The following ARHGAP26 variants were observed in gnomAD, a reference collection of about 807,000 sequenced individuals.
ARHGAP26 encodes the protein rho GTPase-activating protein 26.
In ARHGAP26, 38 loss-of-function variants were observed where a neutral mutation model predicts 104.8. The ratio of observed to expected loss-of-function variants is 0.36; its 90% CI spans 0.28 to 0.48. The LOEUF (loss-of-function observed/expected upper bound fraction) is 0.48. ARHGAP26 is among the 20% of genes least tolerant of loss of function. ARHGAP26 has a pLI of 0.99. For missense variants in ARHGAP26, 704 were observed against 947.9 expected (o/e 0.74, Z 3.38); for synonymous variants, 341 against 340.0 (o/e 1.00, Z -0.03).
chr5:143,038,684 CTTTTTTTTTTTTTTTTTTT>C (rs60428049), intron 13 of ARHGAP26, among the ~76,000 whole-genome samples: 1 of 64,384 alleles, frequency 1.6e-5, no homozygotes, highest in African/African-American at 6.6e-5. Context: ...GACATACGGC[CTTTTTTTTTTTTTTTTTTT>C]TTTTTTTTTT....
intron 11 of ARHGAP26, among the ~76,000 whole-genome samples, chr5:142,963,993 A>G (rs1770840143): frequency 6.6e-6 from 1 of 152,226 alleles, no homozygotes; most frequent in Non-Finnish European, 1.5e-5. Context: ...TTTTAAATGG[A>G]CATAAGGATC....
chr5:143,058,321 G>A (rs923048595), intron 17 of ARHGAP26, among the ~76,000 whole-genome samples: 3 of 152,166 alleles, frequency 2.0e-5, no homozygotes, highest in African/African-American at 4.8e-5. Flanking sequence ...CTTTGAAGAA[G>A]TATAAAGAAT....
intron 1 of ARHGAP26, among the ~76,000 whole-genome samples, chr5:142,857,402 C>T (rs534235760): frequency 1.6e-4 from 24 of 152,082 alleles, no homozygotes; most frequent in Non-Finnish European, 2.9e-4. Context: ...GAGGGTGGGC[C>T]AGCAGCTGCT....
chr5:142,972,105 C>G (rs938581529), intron 11 of ARHGAP26, among the ~76,000 whole-genome samples: 2 of 152,010 alleles, frequency 1.3e-5, no homozygotes, highest in Admixed American at 1.3e-4. Context: ...TTGCTTGAAC[C>G]TGCGAGGCGG....
chr5:143,050,086 C>T (rs1313547097), intron 14 of ARHGAP26, among the ~76,000 whole-genome samples: 1 of 152,188 alleles, frequency 6.6e-6, no homozygotes, highest in Non-Finnish European at 1.5e-5. Flanking sequence ...CCCCACACCC[C>T]TGGGTGGCTT....
chr5:142,858,844 G>A (rs1188198748), intron 1 of ARHGAP26, among the ~76,000 whole-genome samples: 1 of 152,210 alleles, frequency 6.6e-6, no homozygotes, highest in Non-Finnish European at 1.5e-5. Flanking sequence ...CCCTGAGGAA[G>A]TGACCCTTCA....
At chr5:142,989,225 G>A (rs1004201825) in intron 11 of ARHGAP26, among the ~76,000 whole-genome samples, 1 of 152,152 alleles carries the variant, frequency 6.6e-6, no homozygotes, top group Admixed American at 6.5e-5. Flanking sequence ...TTGTTGAATT[G>A]ATCCCTTTAC....
chr5:142,872,670 A>C (rs1247155386), intron 1 of ARHGAP26, among the ~76,000 whole-genome samples: 1 of 152,214 alleles, frequency 6.6e-6, no homozygotes, highest in Non-Finnish European at 1.5e-5. Context: ...AGGGCTCTTG[A>C]GAGTTTTTCT....
chr5:142,963,509 G>A (rs37204), intron 11 of ARHGAP26, among the ~76,000 whole-genome samples: 12,065 of 151,780 alleles, frequency 0.079, 739 homozygotes, highest in East Asian at 0.27. Context: ...AACCTTACCA[G>A]CATCTCTTAT....
intron 1 of ARHGAP26, among the ~76,000 whole-genome samples, chr5:142,811,975 C>T (rs1188114997): frequency 2.6e-5 from 4 of 152,182 alleles, no homozygotes; most frequent in African/African-American, 9.7e-5. Context: ...ACTCGAAGAA[C>T]TCCTGGTCAC....
chr5:142,791,962 A>AG (rs1759937007), intron 1 of ARHGAP26, among the ~76,000 whole-genome samples: 1 of 150,726 alleles, frequency 6.6e-6, no homozygotes, highest in African/African-American at 2.4e-5. Flanking sequence ...AAAAAAAAAA[A>AG]GGTGTTAAGT....
intron 17 of ARHGAP26, among the ~76,000 whole-genome samples, chr5:143,076,159 A>ATTTTTT (rs368079758): frequency 9.1e-6 from 1 of 109,978 alleles, no homozygotes; most frequent in Non-Finnish European, 1.8e-5. Context: ...GACCTGGCTA[A>ATTTTTT]TTTTTTTTTT....
chr5:143,178,742 C>T (rs549845796), intron 20 of ARHGAP26, among the ~76,000 whole-genome samples: 3 of 152,224 alleles, frequency 2.0e-5, no homozygotes, highest in African/African-American at 7.2e-5. Flanking sequence ...GTTCATACTT[C>T]GTTTTTCAAG....
intron 21 of ARHGAP26, among the ~76,000 whole-genome samples, chr5:143,208,843 G>T (rs1304929881): frequency 6.6e-6 from 1 of 152,124 alleles, no homozygotes; most frequent in Non-Finnish European, 1.5e-5. Flanking sequence ...CTATAAATAA[G>T]GGAAATTTTC....
At chr5:142,894,195 G>T in intron 5 of ARHGAP26, 43 bp from the exon 6 acceptor site, 2 of 1,547,624 alleles carry the variant, frequency 1.3e-6, no homozygotes, top group Non-Finnish European at 1.8e-6. Flanking sequence ...GCTATCCTTG[G>T]GTAGTGACTT....
chr5:142,802,805 A>G (rs887734949), intron 1 of ARHGAP26, among the ~76,000 whole-genome samples: 1 of 152,210 alleles, frequency 6.6e-6, no homozygotes, highest in Non-Finnish European at 1.5e-5. Context: ...TGAGAGGCCC[A>G]TTGACATTAT....
At chr5:142,979,679 G>A (rs1773640712) in intron 11 of ARHGAP26, among the ~76,000 whole-genome samples, 1 of 152,278 alleles carries the variant, frequency 6.6e-6, no homozygotes, top group African/African-American at 2.4e-5. Context: ...CCCAGCTTCT[G>A]TTCTGGCTGT....
chr5:142,939,805 A>G (rs553649182), intron 11 of ARHGAP26, among the ~76,000 whole-genome samples: 5 of 152,360 alleles, frequency 3.3e-5, no homozygotes, highest in African/African-American at 9.6e-5. Flanking sequence ...CCCCTACCTC[A>G]TAAGAGTGCT....
intron 1 of ARHGAP26, among the ~76,000 whole-genome samples, chr5:142,805,606 C>T (rs960974763): frequency 1.3e-5 from 2 of 151,754 alleles, no homozygotes; most frequent in Admixed American, 6.6e-5. Context: ...GGAGGGAGAG[C>T]GAAAAATGAG....
Sources: gnomAD v4.1 joint callset for allele counts (sites outside exome capture counted in the v4.1 genomes callset) on GRCh38, gnomAD v4.1.1 for gene constraint, MANE v1.5 for transcripts, NCBI Gene and HGNC (gene_info 2026-07-23, HGNC 2026-07-21) for gene names.